The following SPEN variants were observed in gnomAD, a reference collection of about 807,000 sequenced individuals.
SPEN encodes the protein msx2-interacting protein.
Under a neutral mutation model 269.9 loss-of-function variants are expected in SPEN, and 18 were observed. The observed-to-expected ratio is 0.07, with a 90% CI of 0.05 to 0.10. The LOEUF is 0.10. SPEN is among the 10% of genes least tolerant of loss of function. The pLI is 1.00. For synonymous variants in SPEN, 1,726 were observed against 1,765.7 expected, an observed-to-expected ratio of 0.98 and a Z score of 0.56; for missense variants, 3,822 against 4,631.2, an observed-to-expected ratio of 0.83 and a Z score of 5.07.
chr1:15,859,358 C>CTTTTTTTTTTTTT (rs143092339), intron 1 of SPEN, among the ~76,000 whole-genome samples: 6 of 115,602 alleles, frequency 5.2e-5, no homozygotes, highest in African/African-American at 2.0e-4. Flanking sequence ...TTTTTCTTTT[C>CTTTTTTTTTTTTT]TTTTTTTTTT....
At chr1:15,859,353 C>CT (rs1272953375) in intron 1 of SPEN, among the ~76,000 whole-genome samples, 97 of 105,200 alleles carry the variant, frequency 9.2e-4, no homozygotes, top group African/African-American at 3.4e-3. Context: ...TTTTCTTTTT[C>CT]TTTTCTTTTT....
intron 1 of SPEN, among the ~76,000 whole-genome samples, chr1:15,852,199 T>C (rs1380896914): frequency 6.6e-6 from 1 of 152,208 alleles, no homozygotes; most frequent in East Asian, 1.9e-4. Context: ...TTTGACTCAC[T>C]GTAGCCTGTA....
At chr1:15,913,478 C>G (rs1322276365) in intron 5 of SPEN, among the ~76,000 whole-genome samples, 1 of 151,942 alleles carries the variant, frequency 6.6e-6, no homozygotes, top group African/African-American at 2.4e-5. Flanking sequence ...TGATTGGAGA[C>G]AGGGTCTCAC....
At position 15,920,063 on chromosome 1, in the gene SPEN, T is replaced by A. The variant is rs28489686; in HGVS notation, c.1635+546T>A. On this transcript the variant is annotated intron_variant, in intron 8 of 14. Coordinates refer to ENST00000375759, the MANE Select transcript of SPEN (RefSeq NM_015001.3). ...ACCCTTGACAATGCTTTTTTTTTTT[T>A]AAATTTATTTATTTATTTTTAATTG... is the stretch of plus-strand genomic sequence containing the variant. 3.6e-3 allele frequency among the ~76,000 whole-genome samples: 540 copies of A among 150,260 alleles called. 1 individual carries two copies. The highest frequency in any genetic ancestry group is 0.011 in the African/African-American group (465 of 41,182).
chr1:15,897,211 A>G (rs1027618099), intron 3 of SPEN, among the ~76,000 whole-genome samples: 1 of 152,028 alleles, frequency 6.6e-6, no homozygotes, highest in Non-Finnish European at 1.5e-5. Flanking sequence ...TTTTTTGGAG[A>G]TGGAGTCTCG....
Position 15,876,526 on chromosome 1 carries a change from G to C in SPEN, c.729G>C (p.Arg243=), listed in dbSNP as rs908792885. ...PERNYQHSRS[R]SPHSSQSRNQ... ...GGAATTACCAGCACAGCAGGAGTCG[G>C]TCACCACATTCATCCCAGTCTAGAA... is the stretch of plus-strand genomic sequence containing the variant. The change falls in exon 3 of 15, where the codon CGG becomes CGC. Residue 243 remains arginine, a synonymous_variant. Transcript: ENST00000375759. The C allele has an allele frequency of 2.2e-5, 35 of 1,614,094 alleles. No individual in the cohort carries two copies. Among genetic ancestry groups the C allele is most frequent in the Middle Eastern group, 1.6e-4 (1 of 6,062 alleles).
At chr1:15,862,063 C>G (rs2070454466) in intron 1 of SPEN, among the ~76,000 whole-genome samples, 1 of 151,866 alleles carries the variant, frequency 6.6e-6, no homozygotes, top group African/African-American at 2.4e-5. Context: ...AAACAAAAAA[C>G]AAAAATTGCG....
rs1445103711 is a variant in SPEN at position 15,934,261 on chromosome 1, G to C, written c.8021G>C (p.Gly2674Ala). ...PVNALKGPVKGSVTTLKSLVS... is the reference protein window; with the variant it reads ...PVNALKGPVKASVTTLKSLVS... Reference sequence around the variant, plus strand: ...AATGCCCTGAAAGGCCCCGTGAAGGGCTCAGTGACCACACTGAAAAGTTTG... The same window carrying C: ...AATGCCCTGAAAGGCCCCGTGAAGGCCTCAGTGACCACACTGAAAAGTTTG... The change falls in exon 11 of 15, where the codon GGC becomes GCC. Residue 2674 changes from glycine to alanine, a missense_variant. Gly to Ala is a moderately conservative substitution (Grantham distance 60). Around this residue, in one of 16 missense-constraint regions of SPEN, gnomAD observed 329 missense variants for 431.2 expected, o/e 0.76. Transcript: ENST00000375759. The surrounding 1 kb of genome is among the most constrained non-coding windows in gnomAD (Gnocchi z 9.2). 6.2e-7 allele frequency: 1 copy of C among 1,614,228 alleles called. No homozygotes were observed. The highest frequency in any genetic ancestry group is 1.3e-5 in the African/African-American group (1 of 75,052).
chr1:15,856,272 G>T (rs1485514898), intron 1 of SPEN, among the ~76,000 whole-genome samples: 1 of 151,876 alleles, frequency 6.6e-6, no homozygotes, highest in South Asian at 2.1e-4. Flanking sequence ...TTACAGGTGT[G>T]AGCCACCGTG....
intron 1 of SPEN, among the ~76,000 whole-genome samples, chr1:15,866,028 G>A (rs2070505342): frequency 6.6e-6 from 1 of 151,700 alleles, no homozygotes; most frequent in Non-Finnish European, 1.5e-5. Context: ...TTTCCTTTAT[G>A]GTTTAGGGAT....
rs150287716 is a variant in SPEN, at chr1:15,919,484, A to T, written c.1602A>T (p.Thr534=). Residue 534 remains threonine (T), a synonymous_variant, in exon 8 of 15, where the codon ACA becomes ACT. Transcript: ENST00000375759. ...LSSNVSDQYL[T]RHFCRYGPVV... ...CGAATGTGTCAGATCAGTATTTAACACGACATTTCTGCCGATATGGGCCTG... is the reference window on the plus strand; with the variant it reads ...CGAATGTGTCAGATCAGTATTTAACTCGACATTTCTGCCGATATGGGCCTG... 9.9e-4 allele frequency: 1,596 copies of T among 1,605,294 alleles called. 7 individuals carry two copies. The highest frequency in any genetic ancestry group is 9.8e-3 in the African/African-American group (729 of 74,748).
intron 1 of SPEN, among the ~76,000 whole-genome samples, chr1:15,849,962 T>G (rs2070317392): frequency 6.6e-6 from 1 of 152,170 alleles, no homozygotes; most frequent in African/African-American, 2.4e-5. Flanking sequence ...AGACGTGTCA[T>G]TTCTCATTAT....
At position 15,922,231 on chromosome 1, in the gene SPEN, CTCT is replaced by C. The variant is rs1416068354; in HGVS notation, c.1750-16_1750-14del. The C allele has an allele frequency of 1.2e-5, 18 of 1,532,694 alleles. No individual in the cohort carries two copies. The highest frequency in any genetic ancestry group is 1.7e-4 in the Middle Eastern group (1 of 5,906). The allele number at this position is 1,532,694 out of a possible 1,614,324, so 94.9% of individuals were successfully genotyped here. A position where few individuals can be genotyped will look rare whatever the true frequency, so the allele number is the denominator to read the frequency against. On this transcript the variant is annotated splice_polypyrimidine_tract_variant and intron_variant, in intron 9 of 14. Transcript: ENST00000375759. Reference sequence around the variant, plus strand: ...AAAATTTGAAACTTGCATCAAACACCTCTTTTTTTTTTTAAAGGTGGATTTTGC... The same window carrying C: ...AAAATTTGAAACTTGCATCAAACACCTTTTTTTTTTAAAGGTGGATTTTGC...
chr1:15,934,829 A>G lies in SPEN; in HGVS notation c.8589A>G (p.Ala2863=), dbSNP rs1223075973. 2 of 1,614,188 alleles carry G rather than the reference A, an allele frequency of 1.2e-6. No homozygotes were observed. Among genetic ancestry groups the G allele is most frequent in the Non-Finnish European group, 1.7e-6 (2 of 1,180,024 alleles). ...KSQVKPDSVT[A]SQPPSKGPQA... is the part of the protein sequence containing the mutation. ...AGGTCAAACCTGATTCTGTCACAGC[A>G]TCGCAGCCTCCATCCAAAGGCCCTC... The change falls in exon 11 of 15, where the codon GCA becomes GCG. Residue 2863 remains alanine (A), a synonymous_variant. Coordinates refer to ENST00000375759, the MANE Select transcript of SPEN (RefSeq NM_015001.3). The surrounding 1 kb of genome is among the most constrained non-coding windows in gnomAD (Gnocchi z 9.2).
Position 15,932,587 on chromosome 1 carries a change from T to C in SPEN, c.6347T>C (p.Val2116Ala). 1 of 1,602,708 alleles carries C rather than the reference T, an allele frequency of 6.2e-7. No homozygotes were observed. The highest frequency in any genetic ancestry group is 1.7e-5 in the Admixed American group (1 of 59,090). ...CAGGCAGGGGAGAGGGAATCTGGGG[T>C]GGTGGCAGTCTCCCCTGAGAAAAGT... The part of the protein sequence containing the change: ...AAQAGERESG[V>A]VAVSPEKSES... The change falls in exon 11 of 15, where the codon GTG becomes GCG. Residue 2116 changes from valine (V) to alanine (A), a missense_variant. Around this residue, in one of 16 missense-constraint regions of SPEN, gnomAD observed 727 missense variants for 737.9 expected, o/e 0.99. Transcript: ENST00000375759. The surrounding 1 kb of genome is among the most constrained non-coding windows in gnomAD (Gnocchi z 4.2).
chr1:15,858,265 A>AAT (rs397696154), intron 1 of SPEN, among the ~76,000 whole-genome samples: 1 of 150,288 alleles, frequency 6.7e-6, no homozygotes, highest in Non-Finnish European at 1.5e-5. Context: ...AAAAAAAAAA[A>AAT]GTTCAGGATC....
In SPEN at chr1:15,920,888, A is replaced by C. The variant is rs2071111569; in HGVS notation, c.1654A>C (p.Lys552Gln). ...PVVKVVFDRLKGMALVLYNEI... is the reference protein window; with the variant it reads ...PVVKVVFDRLQGMALVLYNEI... ...TTTACAGGTGGTGTTTGACCGCTTA[A>C]AAGGCATGGCCCTGGTTCTCTACAA... is the stretch of plus-strand genomic sequence containing the variant. The change falls in exon 9 of 15, where the codon AAA becomes CAA. Residue 552 changes from lysine (K) to glutamine (Q), a missense_variant. Coordinates refer to ENST00000375759, the MANE Select transcript of SPEN (RefSeq NM_015001.3). 1.2e-6 allele frequency: 2 copies of C among 1,609,470 alleles called. No individual in the cohort carries two copies. The highest frequency in any genetic ancestry group is 2.7e-5 in the African/African-American group (2 of 74,700).
At position 15,876,324 on chromosome 1, in the gene SPEN, G is replaced by C. The variant is rs769249893; in HGVS notation, c.527G>C (p.Arg176Pro). 1 of 1,613,878 alleles carries C rather than the reference G, an allele frequency of 6.2e-7. No individual in the cohort carries two copies. The highest frequency in any genetic ancestry group is 8.5e-7 in the Non-Finnish European group (1 of 1,179,976). Residue 176 changes from arginine to proline, a missense_variant, in exon 3 of 15, where the codon CGG (arginine) becomes CCG (proline). Around this residue, in one of 16 missense-constraint regions of SPEN, gnomAD observed 327 missense variants for 350.8 expected, o/e 0.93. Coordinates refer to ENST00000375759, the MANE Select transcript of SPEN (RefSeq NM_015001.3). ...GATTACTATAGAGATCCTCGAGAGCGGACTTTACAACATGGGCTCTATTAC... is the reference window on the plus strand; with the variant it reads ...GATTACTATAGAGATCCTCGAGAGCCGACTTTACAACATGGGCTCTATTAC... ...DQDYYRDPRE[R>P]TLQHGLYYAS...
At chr1:15,891,698 C>T (rs1376291712) in intron 3 of SPEN, among the ~76,000 whole-genome samples, 1 of 152,022 alleles carries the variant, frequency 6.6e-6, no homozygotes, top group Non-Finnish European at 1.5e-5. Context: ...CTATGTTGCC[C>T]AGGCTGGTCT....
Sources: gnomAD v4.1 joint callset for allele counts (sites outside exome capture counted in the v4.1 genomes callset) on GRCh38, gnomAD v4.1.1 for gene constraint, gnomAD v4.1.1 regional missense constraint, Gnocchi (gnomAD v3.1) non-coding constraint, MANE v1.5 for transcripts, NCBI Gene and HGNC (gene_info 2026-07-23, HGNC 2026-07-21) for gene names.